The following NLRC5 variants were observed in gnomAD, a reference collection of about 807,000 sequenced individuals.
NLRC5 encodes the protein NLR family CARD domain containing 5, also known as protein NLRC5.
Under a neutral mutation model 206.9 loss-of-function variants are expected in NLRC5, and 114 were observed. That is an observed-to-expected ratio of 0.55 (90% CI 0.47 to 0.64). The LOEUF (loss-of-function observed/expected upper bound fraction) is 0.64. Ranked by LOEUF, NLRC5 falls within the 30% of genes least tolerant of loss-of-function variation. The pLI is 0.00. For missense variants in NLRC5, 2,008 were observed against 2,305.5 expected (o/e 0.87, Z 2.64); for synonymous variants, 952 against 962.8 (o/e 0.99, Z 0.21).
chr16:57,075,005 C>CTTTTTTTTTTTTTTTTTTTTTTTT (rs77796033), intron 39 of NLRC5, among the ~76,000 whole-genome samples: 1 of 58,066 alleles, frequency 1.7e-5, no homozygotes, highest in African/African-American at 7.0e-5. Flanking sequence ...CTAGACTGTG[C>CTTTTTTTTTTTTTTTTTTTTTTTT]TTTTTTTTTT....
chr16:57,039,938 T>A, intron 16 of NLRC5, 89 bp downstream of exon 16: 1 of 1,132,600 alleles, frequency 8.8e-7, no homozygotes, highest in Non-Finnish European at 1.3e-6. Flanking sequence ...GTCAGTCAAC[T>A]GCCAGGGTGA....
chr16:57,037,342 G>A lies in NLRC5; in HGVS notation c.2801+58G>A, dbSNP rs1267432050. The A allele has an allele frequency of 2.7e-6, 4 of 1,506,038 alleles. No homozygotes were observed. The African/African-American group carries it at 4.2e-5, about 16-fold the overall frequency. The allele number at this position is 1,506,038 out of a possible 1,614,324, so 93.3% of individuals were successfully genotyped here. ...CCCCCCCCATCATGCTCTCTCTGAAGCCCTTGGAATTCCTTCTGGGCCCAG... is the reference window on the plus strand; with the variant it reads ...CCCCCCCCATCATGCTCTCTCTGAAACCCTTGGAATTCCTTCTGGGCCCAG... On this transcript the variant is annotated intron_variant, in intron 15 of 48. Coordinates refer to ENST00000688547, the MANE Select transcript of NLRC5 (RefSeq NM_001384950.1).
At chr16:57,011,574 T>C (rs1371167320) in intron 1 of NLRC5, among the ~76,000 whole-genome samples, 1 of 151,966 alleles carries the variant, frequency 6.6e-6, no homozygotes. Flanking sequence ...AAATTAAAAT[T>C]AGCCTGGCAT....
chr16:57,059,908 G>A (rs2066199940), intron 30 of NLRC5, among the ~76,000 whole-genome samples: 2 of 152,016 alleles, frequency 1.3e-5, no homozygotes, highest in African/African-American at 4.8e-5. Context: ...AAGTAAAATG[G>A]GGATAATAAC....
chr16:57,040,848 G>T (rs1324885592), intron 17 of NLRC5, 130 bp downstream of exon 17: 4 of 863,450 alleles, frequency 4.6e-6, no homozygotes, highest in Non-Finnish European at 7.4e-6. Context: ...GTGTCCAGGG[G>T]TCATGGCCTG....
At chr16:57,010,736 A>G (rs2059398577) in intron 1 of NLRC5, among the ~76,000 whole-genome samples, 1 of 151,996 alleles carries the variant, frequency 6.6e-6, no homozygotes, top group East Asian at 1.9e-4. Context: ...TTCCCCACCT[A>G]TTGCCTTCCT....
intron 1 of NLRC5, among the ~76,000 whole-genome samples, chr16:57,004,990 C>A (rs1345492104): frequency 6.6e-6 from 1 of 152,144 alleles, no homozygotes; most frequent in Non-Finnish European, 1.5e-5. Context: ...TGTCTGGATT[C>A]CCCTTACTGA....
intron 27 of NLRC5, among the ~76,000 whole-genome samples, chr16:57,056,996 T>G (rs1452730722): frequency 6.6e-6 from 1 of 152,218 alleles, no homozygotes; most frequent in African/African-American, 2.4e-5. Flanking sequence ...ATTAAGTGGC[T>G]TCATAAGACA....
intron 38 of NLRC5, among the ~76,000 whole-genome samples, chr16:57,073,687 G>A (rs777948420): frequency 7.9e-5 from 12 of 152,174 alleles, no homozygotes; most frequent in East Asian, 1.9e-4. Flanking sequence ...TCCGCCTCCC[G>A]GGTTCAAGCA....
chr16:57,013,879 T>A, intron 1 of NLRC5: 1 of 607,528 alleles, frequency 1.6e-6, no homozygotes, highest in Non-Finnish European at 3.0e-6. Context: ...CACACTATTT[T>A]ATGATATCAT....
intron 23 of NLRC5, among the ~76,000 whole-genome samples, chr16:57,048,631 T>A (rs923919259): frequency 1.2e-4 from 19 of 152,148 alleles, no homozygotes; most frequent in Non-Finnish European, 2.1e-4. Context: ...CCTCCTGGGT[T>A]CAAGCAATTC....
chr16:57,032,905 G>A (rs527662858), intron 11 of NLRC5, among the ~76,000 whole-genome samples: 3 of 152,102 alleles, frequency 2.0e-5, no homozygotes, highest in African/African-American at 7.2e-5. Flanking sequence ...AGCCAAGGTG[G>A]GAGGATCACT....
chr16:56,992,518 C>T (rs1296216482), intron 1 of NLRC5: 1 of 150,972 alleles, frequency 6.6e-6, no homozygotes, highest in African/African-American at 2.4e-5. Context: ...ACTCTGTTGC[C>T]TAGGCTGGAG....
rs370132617 is a variant in NLRC5, at chr16:57,071,459, T to G, written c.4667+841T>G. On this transcript the variant is annotated intron_variant, in intron 38 of 48. Coordinates refer to ENST00000688547, the MANE Select transcript of NLRC5 (RefSeq NM_001384950.1). ...GGGGAAGGGTTGTGAGTGAGTGGTG[T>G]TGGTGGTTAATGGGGAAGGGGGTGA... Among the ~76,000 whole-genome samples the G allele has an allele frequency of 6.7e-3, 721 of 107,988 alleles. 13 individuals are homozygous for G. Among genetic ancestry groups the G allele is most frequent in the African/African-American group, 0.025 (688 of 27,114 alleles). 70.8% of individuals were successfully genotyped at this position (107,988 alleles called of 152,430 possible).
At chr16:57,038,636 A>G (rs542656981) in intron 15 of NLRC5, among the ~76,000 whole-genome samples, 2 of 152,294 alleles carry the variant, frequency 1.3e-5, no homozygotes, top group African/African-American at 4.8e-5. Context: ...GCAATGGCAG[A>G]AAGAATGGTA....
chr16:57,019,507 A>G (rs569388662), intron 2 of NLRC5, among the ~76,000 whole-genome samples: 3 of 152,362 alleles, frequency 2.0e-5, no homozygotes, highest in African/African-American at 7.2e-5. Context: ...GCACTAAACA[A>G]CAGTGGCTTA....
At chr16:57,007,263 G>A (rs560080291) in intron 1 of NLRC5, among the ~76,000 whole-genome samples, 27 of 152,176 alleles carry the variant, frequency 1.8e-4, no homozygotes, top group South Asian at 1.7e-3. Context: ...CACACTCCAC[G>A]TCCACGTGGA....
At chr16:56,999,153 A>C (rs1407107591) in intron 1 of NLRC5, among the ~76,000 whole-genome samples, 1 of 152,210 alleles carries the variant, frequency 6.6e-6, no homozygotes, top group African/African-American at 2.4e-5. Flanking sequence ...CATCAATCCC[A>C]TTCACTACGG....
chr16:57,079,060 A>G lies in NLRC5; in HGVS notation c.5092A>G (p.Ser1698Gly), dbSNP rs769522101. 1 of 1,614,034 alleles carries G rather than the reference A, an allele frequency of 6.2e-7. No homozygotes were observed. The highest frequency in any genetic ancestry group is 8.5e-7 in the Non-Finnish European group (1 of 1,179,908). ...CTCCTCTTTCCCCAGCCTACCATTC[A>G]GCCATCTGGGCCCAGGTGGGGCCCT... ...QHLRVLHLPFSHLGPGGALSL... is the reference protein window; with the variant it reads ...QHLRVLHLPFGHLGPGGALSL... The change falls in exon 44 of 49, where the codon AGC (serine) becomes GGC (glycine). Residue 1698 changes from serine (S) to glycine (G), a missense_variant. Physicochemically the swap from Ser to Gly is moderately conservative, Grantham distance 56. Coordinates refer to ENST00000688547, the MANE Select transcript of NLRC5 (RefSeq NM_001384950.1).
Sources: allele counts gnomAD v4.1 joint callset (sites outside exome capture counted in the v4.1 genomes callset), GRCh38; gene constraint gnomAD v4.1.1; transcripts MANE v1.5; gene names NCBI Gene and HGNC (gene_info 2026-07-23, HGNC 2026-07-21).